The following RBM26 variants were observed in gnomAD, a reference collection of about 807,000 sequenced individuals.
RBM26 encodes RNA binding motif protein 26, also known as RNA-binding protein 26.
A neutral mutation model predicts 123.6 loss-of-function variants in RBM26; 30 were observed. The observed-to-expected ratio is 0.24, with a 90% confidence interval of 0.18 to 0.33. RBM26 has a LOEUF of 0.33. RBM26 is among the 10% of genes least tolerant of loss of function. The pLI, the probability that RBM26 is intolerant of heterozygous loss-of-function variation, is 1.00. For synonymous variants in RBM26, 400 were observed against 404.4 expected (o/e 0.99, Z 0.13); for missense variants, 947 against 1,203.6 (o/e 0.79, Z 3.15).
At chr13:79,392,313 AATATATAATTAGTAATT>A (rs1396546836) in intron 1 of RBM26, among the ~76,000 whole-genome samples, 2 of 141,834 alleles carry the variant, frequency 1.4e-5, no homozygotes, top group African/African-American at 2.6e-5. Flanking sequence ...GTATAACGGT[AATATATAATTAGTAATT>A]ATATATAATT....
chr13:79,383,604 T>G, intron 1 of RBM26, among the ~76,000 whole-genome samples: 1 of 151,422 alleles, frequency 6.6e-6, no homozygotes, highest in East Asian at 2.0e-4. Context: ...ACCTACTCTG[T>G]CACTGTTCTA....
Position 79,365,595 on chromosome 13 carries a change from A to G in RBM26, c.1400T>C (p.Met467Thr), listed in dbSNP as rs1188050339. Reference protein sequence around the residue: ...PNLIGLTSGDMDLPPREKPPN... With the variant: ...PNLIGLTSGDTDLPPREKPPN... ...TATAGTACCTCTGGGTGGCAAATCC[A>G]TATCCCCTGATGTTAGTCCTATCAA... is the stretch of plus-strand genomic sequence containing the variant. The change falls in exon 9 of 22, where the codon ATG becomes ACG. Residue 467 changes from methionine to threonine, a missense_variant. Met to Thr is a moderately conservative substitution (Grantham distance 81, BLOSUM62 -1). This residue lies in a region of RBM26 where 493 missense variants were observed against 563.1 expected (regional missense o/e 0.88). Coordinates refer to ENST00000438737, the MANE Select transcript of RBM26 (RefSeq NM_001366735.2). 1.2e-6 allele frequency: 2 copies of G among 1,613,150 alleles called. No homozygotes were observed. The highest frequency in any genetic ancestry group is 1.7e-5 in the Admixed American group (1 of 59,942).
At chr13:79,314,372 T>C (rs1490213542), downstream of RBM26, 5 of 151,770 alleles carry the variant, frequency 3.3e-5, no homozygotes, top group Admixed American at 6.6e-5. Flanking sequence ...ATTTTCTTTG[T>C]TGGTTTTGAA....
At position 79,320,526 on chromosome 13, in the gene RBM26, C is replaced by T; in HGVS notation, c.*95G>A. On this transcript the variant is annotated 3_prime_UTR_variant, in exon 22 of 22. Coordinates refer to ENST00000438737, the MANE Select transcript of RBM26 (RefSeq NM_001366735.2). ...GAAATCCATCTTCATCACATTTTAC[C>T]AAAAATTGTTTTTACAAATATGTAA... 23 of 1,269,682 alleles carry T rather than the reference C, an allele frequency of 1.8e-5. No homozygotes were observed. The highest frequency in any genetic ancestry group is 1.2e-4 in the South Asian group (4 of 32,670). The allele number at this position is 1,269,682 out of a possible 1,614,324, so 78.7% of individuals were successfully genotyped here. A position where few individuals can be genotyped will look rare whatever the true frequency, so the allele number is the denominator to read the frequency against.
At chr13:79,350,212 G>A (rs897198880) in intron 14 of RBM26, among the ~76,000 whole-genome samples, 16 of 152,080 alleles carry the variant, frequency 1.1e-4, no homozygotes, top group Non-Finnish European at 2.1e-4. Flanking sequence ...ATCATGCAGA[G>A]ACCAAGATAT....
At chr13:79,397,113 G>GGAGGTTGCAGTGAGTC (rs1329075577) in intron 1 of RBM26, among the ~76,000 whole-genome samples, 1 of 152,148 alleles carries the variant, frequency 6.6e-6, no homozygotes, top group East Asian at 1.9e-4. Flanking sequence ...CCTGGGAGGT[G>GGAGGTTGCAGTGAGTC]GAGGTTGCAG....
At chr13:79,329,729 T>C (rs1254456315) in intron 20 of RBM26, among the ~76,000 whole-genome samples, 1 of 152,140 alleles carries the variant, frequency 6.6e-6, no homozygotes, top group Non-Finnish European at 1.5e-5. Context: ...TATATCAAAA[T>C]ATGAACCTTA....
At chr13:79,331,490 T>C (rs1304217712) in intron 20 of RBM26, among the ~76,000 whole-genome samples, 1 of 140,684 alleles carries the variant, frequency 7.1e-6, no homozygotes, top group Non-Finnish European at 1.5e-5. Context: ...AAAAATTAAC[T>C]GGGCGTGGTG....
intron 3 of RBM26, chr13:79,377,070 T>C (rs1430569151): frequency 4.5e-6 from 1 of 221,236 alleles, no homozygotes; most frequent in African/African-American, 2.3e-5. Flanking sequence ...GTTGTTACAG[T>C]TCACTGCTAG....
At position 79,355,420 on chromosome 13, in the gene RBM26, A is replaced by C. The variant is rs776374496; in HGVS notation, c.1690-36T>G. 2.6e-6 allele frequency: 4 copies of C among 1,562,454 alleles called. No homozygotes were observed. The East Asian group carries it at 9.0e-5, about 35-fold the overall frequency. On this transcript the variant is annotated intron_variant, in intron 11 of 21. Coordinates refer to ENST00000438737, the MANE Select transcript of RBM26 (RefSeq NM_001366735.2). ...AAATATTAAGAACAGTGAATTTCCAAAGGAATCTGTTGCTTCATAGAGTAA... is the reference window on the plus strand; with the variant it reads ...AAATATTAAGAACAGTGAATTTCCACAGGAATCTGTTGCTTCATAGAGTAA...
chr13:79,367,405 TCAAAA>T (rs1386315481), intron 6 of RBM26, among the ~76,000 whole-genome samples: 1 of 10,090 alleles, frequency 9.9e-5, no homozygotes, highest in African/African-American at 2.4e-4. Flanking sequence ...AGACTCCATC[TCAAAA>T]AAAAAAAAAA....
chr13:79,326,651 G>A (rs976869393), intron 20 of RBM26, among the ~76,000 whole-genome samples: 1 of 152,020 alleles, frequency 6.6e-6, no homozygotes, highest in African/African-American at 2.4e-5. Context: ...TTAATCATTA[G>A]ATACTGATAG....
At chr13:79,397,331 T>G (rs2078657506) in intron 1 of RBM26, among the ~76,000 whole-genome samples, 1 of 151,990 alleles carries the variant, frequency 6.6e-6, no homozygotes, top group South Asian at 2.1e-4. Context: ...AAACATTTAA[T>G]CTCTTTCCCT....
chr13:79,330,961 C>T (rs543409224), intron 20 of RBM26, among the ~76,000 whole-genome samples: 1 of 152,166 alleles, frequency 6.6e-6, no homozygotes, highest in Non-Finnish European at 1.5e-5. Flanking sequence ...CTGCTATGCA[C>T]ATAATTTGAC....
Position 79,376,196 on chromosome 13 carries a change from T to C in RBM26, c.327+1183A>G, listed in dbSNP as rs559913091. 6.6e-5 allele frequency: 10 copies of C among 152,196 alleles called. No individual in the cohort carries two copies. In the South Asian group the frequency reaches 1.2e-3, roughly 19 times the overall value. 9.4% of individuals were successfully genotyped at this position (152,196 alleles called of 1,614,324 possible). A position where few individuals can be genotyped will look rare whatever the true frequency, so the allele number is the denominator to read the frequency against. ...CCAACAATTATTTTCACTAAAATTATAGTTTGTTTGTTTTTTTTTTCCAGA... is the reference window on the plus strand; with the variant it reads ...CCAACAATTATTTTCACTAAAATTACAGTTTGTTTGTTTTTTTTTTCCAGA... On this transcript the variant is annotated intron_variant, in intron 3 of 21. Coordinates refer to ENST00000438737, the MANE Select transcript of RBM26 (RefSeq NM_001366735.2).
chr13:79,378,249 A>G (rs2076807437), intron 2 of RBM26, among the ~76,000 whole-genome samples: 1 of 152,234 alleles, frequency 6.6e-6, no homozygotes, highest in South Asian at 2.1e-4. Flanking sequence ...TCATTTTCTT[A>G]ATCTTTTAAT....
intron 9 of RBM26, 30 bp from the exon 10 acceptor site, chr13:79,359,716 AT>A: frequency 7.9e-7 from 1 of 1,264,014 alleles, no homozygotes; most frequent in African/African-American, 1.5e-5. Flanking sequence ...AATGAAAAAA[AT>A]AAGCATAGGT....
chr13:79,321,676 C>T (rs1163873112), intron 21 of RBM26, among the ~76,000 whole-genome samples: 3 of 151,306 alleles, frequency 2.0e-5, no homozygotes, highest in Non-Finnish European at 4.4e-5. Flanking sequence ...AATTATATTA[C>T]CAGCTCCAGT....
At chr13:79,389,673 G>A (rs185827662) in intron 1 of RBM26, 32 of 152,142 alleles carry the variant, frequency 2.1e-4, no homozygotes, top group Admixed American at 9.2e-4. Flanking sequence ...CCATTGTAAC[G>A]GCATAAAAAC....
Sources: gnomAD v4.1 joint callset for allele counts (sites outside exome capture counted in the v4.1 genomes callset) on GRCh38, gnomAD v4.1.1 for gene constraint, gnomAD v4.1.1 regional missense constraint, MANE v1.5 for transcripts, NCBI Gene and HGNC (gene_info 2026-07-23, HGNC 2026-07-21) for gene names.